The following DNAJC1 variants were observed in gnomAD, a reference collection of about 807,000 sequenced individuals.
The protein encoded by DNAJC1 is DnaJ heat shock protein family (Hsp40) member C1.
In DNAJC1, 58 loss-of-function variants were observed where a neutral mutation model predicts 76.6. The observed-to-expected ratio is 0.76, with a 90% CI of 0.61 to 0.94. The LOEUF (loss-of-function observed/expected upper bound fraction) is 0.94, where lower values mean the gene tolerates loss of function less well. Among genes scored for constraint, DNAJC1 ranks in the 40% least tolerant of loss-of-function variants. The pLI is 0.00. For synonymous variants in DNAJC1, 258 were observed against 267.9 expected, an observed-to-expected ratio of 0.96 and a Z score of 0.36; for missense variants, 689 against 677.3, an observed-to-expected ratio of 1.02 and a Z score of -0.19.
intron 8 of DNAJC1, among the ~76,000 whole-genome samples, chr10:21,879,787 T>C (rs1434707533): frequency 4.6e-5 from 7 of 152,206 alleles, no homozygotes; most frequent in Non-Finnish European, 1.0e-4. Context: ...CAACAAGTCA[T>C]AATCTTTCTA....
intron 1 of DNAJC1, among the ~76,000 whole-genome samples, chr10:21,934,007 A>G (rs1219707547): frequency 6.6e-6 from 1 of 152,170 alleles, no homozygotes; most frequent in Non-Finnish European, 1.5e-5. Context: ...AAAAAAAATT[A>G]TAGAAGGAAT....
chr10:21,811,859 C>T (rs1034759090), intron 8 of DNAJC1, among the ~76,000 whole-genome samples: 3 of 152,194 alleles, frequency 2.0e-5, no homozygotes, highest in Non-Finnish European at 2.9e-5. Context: ...GGAAAACGTA[C>T]GTCTAACTTC....
intron 8 of DNAJC1, among the ~76,000 whole-genome samples, chr10:21,837,018 C>T (rs1015262957): frequency 1.3e-5 from 2 of 152,236 alleles, no homozygotes; most frequent in Non-Finnish European, 2.9e-5. Context: ...CTGCCTGATT[C>T]TCCTGCCTCA....
chr10:21,943,245 GGAA>G (rs1050456125), intron 1 of DNAJC1, among the ~76,000 whole-genome samples: 2 of 151,938 alleles, frequency 1.3e-5, no homozygotes, highest in African/African-American at 4.8e-5. Flanking sequence ...AAACAAAGTA[GGAA>G]GAAGAAACGG....
chr10:21,778,223 G>A (rs1238724033), intron 9 of DNAJC1, among the ~76,000 whole-genome samples: 12 of 152,120 alleles, frequency 7.9e-5, no homozygotes, highest in Non-Finnish European at 1.3e-4. Flanking sequence ...TGATATTACA[G>A]ATGAGAAAAC....
rs572580152 is a variant in DNAJC1 at position 22,003,152 on chromosome 10, C to T, written c.222+61G>A. ...ACGTGTCCGGCTGTCTCTGAGGAAC[C>T]GGGTCGCCTGACGCCTGCCCTGGCC... On this transcript the variant is annotated intron_variant, in intron 1 of 11. Transcript: ENST00000376980. 43 of 1,406,710 alleles carry T rather than the reference C, an allele frequency of 3.1e-5. No individual in the cohort carries two copies. The South Asian group carries it at 6.0e-4, about 20-fold the overall frequency. 87.1% of individuals were successfully genotyped at this position (1,406,710 alleles called of 1,614,324 possible). A position where few individuals can be genotyped will look rare whatever the true frequency, so the allele number is the denominator to read the frequency against.
intron 7 of DNAJC1, among the ~76,000 whole-genome samples, chr10:21,885,094 T>C (rs185189250): frequency 9.2e-5 from 14 of 152,008 alleles, no homozygotes; most frequent in Non-Finnish European, 2.9e-5. Context: ...AAAACAAGAC[T>C]CAATGGCATG....
At chr10:21,847,876 T>G (rs1225918422) in intron 8 of DNAJC1, among the ~76,000 whole-genome samples, 1 of 152,180 alleles carries the variant, frequency 6.6e-6, no homozygotes, top group Non-Finnish European at 1.5e-5. Flanking sequence ...ACACTTAGGT[T>G]GATTTTGTTA....
At chr10:21,900,881 A>C (rs914397389) in intron 7 of DNAJC1, among the ~76,000 whole-genome samples, 3 of 152,078 alleles carry the variant, frequency 2.0e-5, no homozygotes, top group Non-Finnish European at 4.4e-5. Context: ...CTCTTTCTCA[A>C]TCTATTTTTC....
At chr10:21,985,257 T>A (rs1292229554) in intron 1 of DNAJC1, among the ~76,000 whole-genome samples, 4 of 151,396 alleles carry the variant, frequency 2.6e-5, no homozygotes, top group Admixed American at 2.6e-4. Context: ...GCTTTTTTTT[T>A]TTTTTTTTTT....
At chr10:21,981,572 G>A (rs1220704392) in intron 1 of DNAJC1, among the ~76,000 whole-genome samples, 4 of 152,094 alleles carry the variant, frequency 2.6e-5, no homozygotes, top group Non-Finnish European at 5.9e-5. Flanking sequence ...AGTTTTCTGA[G>A]ACTGGGCAAG....
intron 9 of DNAJC1, among the ~76,000 whole-genome samples, chr10:21,773,275 T>C (rs1834411624): frequency 6.6e-6 from 1 of 152,230 alleles, no homozygotes; most frequent in Non-Finnish European, 1.5e-5. Flanking sequence ...TAGCTACAAA[T>C]TTCCCTCTAA....
At chr10:21,966,572 C>T (rs754027816) in intron 1 of DNAJC1, among the ~76,000 whole-genome samples, 1 of 151,874 alleles carries the variant, frequency 6.6e-6, no homozygotes, top group African/African-American at 2.4e-5. Context: ...TTTTATCCTA[C>T]AGGTTAAAAT....
intron 1 of DNAJC1, among the ~76,000 whole-genome samples, chr10:22,000,825 C>G (rs1838506223): frequency 6.6e-6 from 1 of 152,206 alleles, no homozygotes; most frequent in South Asian, 2.1e-4. Context: ...GACCAGAAGG[C>G]CCTCACCAGA....
At chr10:21,830,668 A>C (rs1207023756) in intron 8 of DNAJC1, among the ~76,000 whole-genome samples, 1 of 152,062 alleles carries the variant, frequency 6.6e-6, no homozygotes, top group Non-Finnish European at 1.5e-5. Context: ...AAATTATAAT[A>C]CTGCATTTCT....
intron 1 of DNAJC1, among the ~76,000 whole-genome samples, chr10:21,955,679 T>C (rs1837667850): frequency 6.6e-6 from 1 of 152,198 alleles, no homozygotes; most frequent in Non-Finnish European, 1.5e-5. Context: ...ATCTATCGTA[T>C]TTTATTAAAA....
At chr10:21,852,865 G>T (rs1835778845) in intron 8 of DNAJC1, among the ~76,000 whole-genome samples, 1 of 151,746 alleles carries the variant, frequency 6.6e-6, no homozygotes, top group African/African-American at 2.4e-5. Context: ...TGCTTATATT[G>T]TGGAGGGTGG....
rs530702312 is a variant in DNAJC1, at chr10:21,984,312, T to A, written c.222+18901A>T. ...ATTTTTCTCTTACATACAAGAAGAA[T>A]AGAAGTAAAGCAGTTCCAGGGGCAG... On this transcript the variant is annotated intron_variant, in intron 1 of 11. Coordinates refer to ENST00000376980, the MANE Select transcript of DNAJC1 (RefSeq NM_022365.4). Among the ~76,000 whole-genome samples, 3 of 152,170 alleles carry A rather than the reference T, an allele frequency of 2.0e-5. 1 individual carries two copies. The East Asian group carries it at 5.8e-4, about 29-fold the overall frequency.
At chr10:21,860,698 CAAACA>C (rs1835906057) in intron 8 of DNAJC1, 2 of 8,354 alleles carry the variant, frequency 2.4e-4, no homozygotes, top group Non-Finnish European at 3.8e-4. Flanking sequence ...TGTCTCAAAA[CAAACA>C]AACAAACAAA....
Sources: gnomAD v4.1 joint callset for allele counts (sites outside exome capture counted in the v4.1 genomes callset) on GRCh38, gnomAD v4.1.1 for gene constraint, MANE v1.5 for transcripts, NCBI Gene and HGNC (gene_info 2026-07-23, HGNC 2026-07-21) for gene names.